SEPTIN9: variants seen among roughly 807,000 people sequenced by gnomAD.
The protein encoded by SEPTIN9 is septin-9.
In SEPTIN9, 13 loss-of-function variants were observed where a neutral mutation model predicts 56.6. The ratio of observed to expected loss-of-function variants is 0.23; its 90% CI spans 0.15 to 0.37. The LOEUF (loss-of-function observed/expected upper bound fraction) is 0.37, where lower values mean the gene tolerates loss of function less well. Among genes scored for constraint, SEPTIN9 ranks in the 10% least tolerant of loss-of-function variants. The pLI is 1.00. For missense variants in SEPTIN9, 650 were observed against 823.1 expected (o/e 0.79, Z 2.57); for synonymous variants, 332 against 334.1 (o/e 0.99, Z 0.07).
rs2032586943 is a variant in SEPTIN9 at position 77,313,468 on chromosome 17, A to T, written c.76+6271A>T. 6.6e-6 allele frequency among the ~76,000 whole-genome samples: 1 copy of T among 152,206 alleles called. No individual in the cohort carries two copies. The highest frequency in any genetic ancestry group is 6.5e-5 in the Admixed American group (1 of 15,286). On this transcript the variant is annotated intron_variant, in intron 2 of 11. Coordinates refer to ENST00000427177, the MANE Select transcript of SEPTIN9 (RefSeq NM_001113491.2). The surrounding 1 kb of genome is among the most constrained non-coding windows in gnomAD (Gnocchi z 4.5). ...GATTGTATTTATTTAGGAACAGCCA[A>T]AGTCTGAGGCACAATAAAAAGTGGA...
At chr17:77,291,629 T>C (rs1317564003) in intron 1 of SEPTIN9, among the ~76,000 whole-genome samples, 1 of 152,052 alleles carries the variant, frequency 6.6e-6, no homozygotes, top group Non-Finnish European at 1.5e-5. Context: ...TGAAACTCCG[T>C]CTCAAAAAAT....
intron 2 of SEPTIN9, chr17:77,373,914 G>C (rs761660098): frequency 5.0e-4 from 114 of 228,674 alleles, no homozygotes; most frequent in Non-Finnish European, 8.5e-4. Flanking sequence ...AGGACGCACA[G>C]TTTCACTCTG....
chr17:77,404,385 C>CA (rs1189517096), intron 3 of SEPTIN9, among the ~76,000 whole-genome samples: 1 of 152,162 alleles, frequency 6.6e-6, no homozygotes, highest in African/African-American at 2.4e-5. Flanking sequence ...CCTAGGACCA[C>CA]AGGTTGCGCG....
At chr17:77,293,163 C>T (rs1341616469) in intron 1 of SEPTIN9, among the ~76,000 whole-genome samples, 1 of 151,928 alleles carries the variant, frequency 6.6e-6, no homozygotes, top group Non-Finnish European at 1.5e-5. Flanking sequence ...ACTATAGGTG[C>T]ACACTATATG....
intron 7 of SEPTIN9, 61 bp from the exon 8 acceptor site, chr17:77,490,681 T>C: frequency 2.3e-6 from 3 of 1,280,958 alleles, no homozygotes; most frequent in Non-Finnish European, 3.3e-6. Context: ...TGCTTGGGGG[T>C]GGGTGCCCCC....
At position 77,493,288 on chromosome 17, in the gene SEPTIN9, C is replaced by T. The variant is rs1347077492; in HGVS notation, c.1573+212C>T. 1.2e-5 allele frequency: 7 copies of T among 571,384 alleles called. No individual in the cohort carries two copies. In the African/African-American group the frequency reaches 1.3e-4, roughly 11 times the overall value. 35.4% of individuals were successfully genotyped at this position (571,384 alleles called of 1,614,324 possible). A position where few individuals can be genotyped will look rare whatever the true frequency, so the allele number is the denominator to read the frequency against. The stretch of plus-strand genomic sequence containing the variant: ...GCAGATGCCTCCACCCCAGACCTCC[C>T]CCCGGGCAGGGAAAGATTCAGGGAG... On this transcript the variant is annotated intron_variant, in intron 10 of 11. Coordinates refer to ENST00000427177, the MANE Select transcript of SEPTIN9 (RefSeq NM_001113491.2).
chr17:77,299,298 A>C (rs1202463440), intron 1 of SEPTIN9, among the ~76,000 whole-genome samples: 1 of 151,994 alleles, frequency 6.6e-6, no homozygotes, highest in African/African-American at 2.4e-5. Flanking sequence ...TCAATCCATC[A>C]CTCCATTATC....
intron 2 of SEPTIN9, chr17:77,376,972 G>A (rs1046355034): frequency 3.9e-5 from 6 of 152,316 alleles, no homozygotes; most frequent in African/African-American, 1.4e-4. Flanking sequence ...GAGTTGCACA[G>A]GGATTCAGTC....
chr17:77,411,264 TA>T (rs369889740), intron 3 of SEPTIN9, among the ~76,000 whole-genome samples: 1 of 152,168 alleles, frequency 6.6e-6, no homozygotes, highest in Non-Finnish European at 1.5e-5. Context: ...AGGGCTTGTG[TA>T]AAAAAAGTCA....
chr17:77,440,237 C>G (rs1373307112), intron 3 of SEPTIN9, among the ~76,000 whole-genome samples: 1 of 152,158 alleles, frequency 6.6e-6, no homozygotes, highest in Non-Finnish European at 1.5e-5. Context: ...TCACTGCAAC[C>G]TCCACCTCTC....
chr17:77,288,069 C>G (rs1032504370), intron 1 of SEPTIN9: 4 of 1,063,208 alleles, frequency 3.8e-6, no homozygotes, highest in African/African-American at 1.6e-5. Flanking sequence ...GGTTAGGGGG[C>G]ACGGAGGGCC....
At chr17:77,420,618 C>T (rs1235526212) in intron 3 of SEPTIN9, among the ~76,000 whole-genome samples, 3 of 152,082 alleles carry the variant, frequency 2.0e-5, no homozygotes, top group African/African-American at 7.2e-5. Flanking sequence ...AGATCTCAGG[C>T]GGACTTCCCT....
At chr17:77,426,061 C>G (rs2036897370) in intron 3 of SEPTIN9, among the ~76,000 whole-genome samples, 1 of 152,126 alleles carries the variant, frequency 6.6e-6, no homozygotes. Context: ...CCACACCTCC[C>G]AGCACCTCCA....
At chr17:77,497,130 A>C in intron 10 of SEPTIN9, 185 bp from the exon 11 acceptor site, 1 of 674,664 alleles carries the variant, frequency 1.5e-6, no homozygotes, top group East Asian at 2.7e-5. Context: ...TATCCCCCAG[A>C]CTGAGGGCAG....
intron 2 of SEPTIN9, chr17:77,320,152 G>C (rs1005672273): frequency 5.8e-5 from 87 of 1,512,560 alleles, no homozygotes; most frequent in Non-Finnish European, 7.0e-5. Flanking sequence ...GTGGTAATTC[G>C]GATGCATTCG....
chr17:77,403,908 C>A (rs1018705809), intron 3 of SEPTIN9, among the ~76,000 whole-genome samples: 1 of 152,172 alleles, frequency 6.6e-6, no homozygotes, highest in Non-Finnish European at 1.5e-5. Flanking sequence ...AACTGAGCTC[C>A]GTCCCCGTTA....
chr17:77,315,604 T>G (rs1011365067), intron 2 of SEPTIN9, among the ~76,000 whole-genome samples: 1 of 152,196 alleles, frequency 6.6e-6, no homozygotes, highest in African/African-American at 2.4e-5. Flanking sequence ...CTAACTTCTT[T>G]CTACAAGATG....
chr17:77,488,620 G>A (rs2039895700), intron 6 of SEPTIN9, 107 bp from the exon 7 acceptor site: 1 of 1,475,240 alleles, frequency 6.8e-7, no homozygotes, highest in Middle Eastern at 1.7e-4. Context: ...CCCAGGGCAT[G>A]CATTTCATTG....
rs567374790 is a variant in SEPTIN9, at chr17:77,282,622, A to G, written c.19+1068A>G. On this transcript the variant is annotated intron_variant, in intron 1 of 11. Transcript: ENST00000427177. The stretch of plus-strand genomic sequence containing the variant: ...AATGAGTGATAAAGTACCTTGTCTC[A>G]AAGAGGATTACTCAGAACTTCCCCG... 2.1e-4 allele frequency among the ~76,000 whole-genome samples: 32 copies of G among 151,202 alleles called. No individual in the cohort carries two copies. In the South Asian group the frequency reaches 6.4e-3, roughly 30 times the overall value.
Sources: gnomAD v4.1 joint callset for allele counts (sites outside exome capture counted in the v4.1 genomes callset) on GRCh38, gnomAD v4.1.1 for gene constraint, Gnocchi (gnomAD v3.1) non-coding constraint, MANE v1.5 for transcripts, NCBI Gene and HGNC (gene_info 2026-07-23, HGNC 2026-07-21) for gene names.